Variants in SYT9 observed in about 807,000 individuals in gnomAD.
The protein encoded by SYT9 is synaptotagmin-9.
SYT9 carries 22 observed loss-of-function variants against 48.4 expected under a neutral mutation model. That is an observed-to-expected ratio of 0.45 (90% CI 0.32 to 0.65). SYT9 has a LOEUF of 0.65. Among genes scored for constraint, SYT9 ranks in the 30% least tolerant of loss-of-function variants. The probability of loss-of-function intolerance (pLI) is 0.03; values close to 1 mark genes in which losing one functional copy is unlikely to be tolerated. For missense variants in SYT9, 577 were observed against 622.0 expected, an observed-to-expected ratio of 0.93 and a Z score of 0.77; for synonymous variants, 265 against 245.0, an observed-to-expected ratio of 1.08 and a Z score of -0.76.
At chr11:7,432,925 A>C (rs1274722302) in intron 6 of SYT9, among the ~76,000 whole-genome samples, 1 of 152,034 alleles carries the variant, frequency 6.6e-6, no homozygotes, top group Non-Finnish European at 1.5e-5. Flanking sequence ...TGGGAAGAAC[A>C]TGAGATTTGG....
At chr11:7,313,275 G>T in intron 2 of SYT9, 120 bp from the exon 3 acceptor site, 1 of 1,014,568 alleles carries the variant, frequency 9.9e-7, no homozygotes, top group South Asian at 1.8e-5. Context: ...ACACAAAAAA[G>T]GCCCACAGAT....
Position 7,445,367 on chromosome 11 carries a change from C to A in SYT9, c.1468-21425C>A, listed in dbSNP as rs576363984. On this transcript the variant is annotated intron_variant, in intron 6 of 6. Transcript: ENST00000318881. ...GGCATGGGCTGGGACTGCCCCTGGG[C>A]TTCACTGTCCAGCCTTGGACTCCAC... Among the ~76,000 whole-genome samples, 534 of 152,316 alleles carry A rather than the reference C, an allele frequency of 3.5e-3. 2 individuals are homozygous for A. The highest frequency in any genetic ancestry group is 6.8e-3 in the Middle Eastern group (2 of 294).
chr11:7,293,699 C>T (rs1391524064), intron 1 of SYT9, among the ~76,000 whole-genome samples: 1 of 152,148 alleles, frequency 6.6e-6, no homozygotes, highest in Admixed American at 6.6e-5. Context: ...CACTGAGGGG[C>T]AGTGACCCAA....
chr11:7,452,475 T>A (rs1848073077), intron 6 of SYT9, among the ~76,000 whole-genome samples: 1 of 152,214 alleles, frequency 6.6e-6, no homozygotes, highest in Admixed American at 6.5e-5. Flanking sequence ...GAGAGGCTGC[T>A]CTGAAGAAGT....
chr11:7,429,749 A>G (rs1057170632), intron 6 of SYT9, among the ~76,000 whole-genome samples: 1 of 152,342 alleles, frequency 6.6e-6, no homozygotes, highest in East Asian at 1.9e-4. Context: ...TGTGGCCCAC[A>G]GTAGACTCCC....
intron 1 of SYT9, among the ~76,000 whole-genome samples, chr11:7,254,255 A>G (rs893297417): frequency 2.0e-5 from 3 of 152,188 alleles, no homozygotes; most frequent in Admixed American, 2.0e-4. Context: ...AGGGTTTTGA[A>G]GTAGCCCCAT....
chr11:7,446,930 G>A (rs1690668259), intron 6 of SYT9, among the ~76,000 whole-genome samples: 1 of 152,244 alleles, frequency 6.6e-6, no homozygotes, highest in Non-Finnish European at 1.5e-5. Context: ...GCTTGGGAGA[G>A]AAGCATGGGA....
chr11:7,303,402 C>T lies in SYT9; in HGVS notation c.497+12C>T. 1.3e-6 allele frequency: 2 copies of T among 1,587,316 alleles called. No homozygotes were observed. Among genetic ancestry groups the T allele is most frequent in the Non-Finnish European group, 1.7e-6 (2 of 1,167,738 alleles). ...ACCTCGTCGGCCCGGTCAGTAATGCCTTCTCCTTTCTGAATGCAAGGAAGG... is the reference window on the plus strand; with the variant it reads ...ACCTCGTCGGCCCGGTCAGTAATGCTTTCTCCTTTCTGAATGCAAGGAAGG... On this transcript the variant is annotated intron_variant, in intron 2 of 6. Transcript: ENST00000318881.
intron 1 of SYT9, among the ~76,000 whole-genome samples, chr11:7,278,174 T>G (rs1848432298): frequency 6.6e-6 from 1 of 152,162 alleles, no homozygotes; most frequent in Admixed American, 6.5e-5. Context: ...GCAAGGGGGC[T>G]GAGCATGCTA....
At chr11:7,460,955 A>G (rs1848224512) in intron 6 of SYT9, among the ~76,000 whole-genome samples, 6 of 152,190 alleles carry the variant, frequency 3.9e-5, no homozygotes, top group Admixed American at 3.9e-4. Flanking sequence ...CAGAGGTAGA[A>G]TAACCGTGCA....
rs543384939 is a variant in SYT9, at chr11:7,256,041, T to C, written c.145+3710T>C. ...TATACTTTTTTTGGTCAAAAAGCAT[T>C]AGTCTTATCTCTCTTCTCCATCATA... On this transcript the variant is annotated intron_variant, in intron 1 of 6. Coordinates refer to ENST00000318881, the MANE Select transcript of SYT9 (RefSeq NM_175733.4). Among the ~76,000 whole-genome samples, 76 of 152,316 alleles carry C rather than the reference T, an allele frequency of 5.0e-4. 1 individual carries two copies. The highest frequency in any genetic ancestry group is 1.8e-3 in the African/African-American group (75 of 41,570).
At chr11:7,338,429 G>T (rs1849663565) in intron 3 of SYT9, among the ~76,000 whole-genome samples, 1 of 152,032 alleles carries the variant, frequency 6.6e-6, no homozygotes, top group African/African-American at 2.4e-5. Flanking sequence ...AGTTCTTTTA[G>T]TTGTGATGTT....
At chr11:7,432,616 T>A (rs1450035950) in intron 6 of SYT9, among the ~76,000 whole-genome samples, 8 of 31,138 alleles carry the variant, frequency 2.6e-4, no homozygotes, top group African/African-American at 8.1e-4. Flanking sequence ...TATATATATA[T>A]ATATATATAT....
At chr11:7,384,083 C>G (rs1044545945) in intron 3 of SYT9, among the ~76,000 whole-genome samples, 1 of 151,950 alleles carries the variant, frequency 6.6e-6, no homozygotes, top group African/African-American at 2.4e-5. Context: ...CACACACACA[C>G]ACACACACAC....
intron 1 of SYT9, among the ~76,000 whole-genome samples, chr11:7,262,155 A>G (rs537020309): frequency 1.3e-5 from 2 of 152,268 alleles, no homozygotes; most frequent in South Asian, 4.1e-4. Flanking sequence ...GGTGGAGATG[A>G]CAACATTTAC....
intron 1 of SYT9, among the ~76,000 whole-genome samples, chr11:7,280,125 A>G (rs1589909697): frequency 6.6e-6 from 1 of 152,390 alleles, no homozygotes; most frequent in Non-Finnish European, 1.5e-5. Context: ...ATATACACGC[A>G]TACGTTTATT....
At chr11:7,340,717 G>T (rs1394094986) in intron 3 of SYT9, among the ~76,000 whole-genome samples, 2 of 152,190 alleles carry the variant, frequency 1.3e-5, no homozygotes, top group Non-Finnish European at 2.9e-5. Flanking sequence ...GACAGCAAGG[G>T]TGATGGCTGC....
intron 3 of SYT9, among the ~76,000 whole-genome samples, chr11:7,377,731 C>T (rs1219869573): frequency 6.6e-6 from 1 of 152,110 alleles, no homozygotes; most frequent in Non-Finnish European, 1.5e-5. Context: ...CATATCTCCG[C>T]CACACAAGAG....
At chr11:7,325,647 A>G (rs201577145) in intron 3 of SYT9, among the ~76,000 whole-genome samples, 2,846 of 81,032 alleles carry the variant, frequency 0.035, 90 homozygotes, top group African/African-American at 0.1. Context: ...TTCCAACACT[A>G]TGTTGAATAG....
Sources: gnomAD v4.1 joint callset for allele counts (sites outside exome capture counted in the v4.1 genomes callset) on GRCh38, gnomAD v4.1.1 for gene constraint, MANE v1.5 for transcripts, NCBI Gene and HGNC (gene_info 2026-07-23, HGNC 2026-07-21) for gene names.